Variants in AVEN observed in about 807,000 individuals in gnomAD.
AVEN encodes apoptosis and caspase activation inhibitor.
AVEN carries 41 observed loss-of-function variants against 38.1 expected under a neutral mutation model. The ratio of observed to expected loss-of-function variants is 1.08; its 90% CI spans 0.84 to 1.40. AVEN has a LOEUF of 1.40. AVEN is among the 40% of genes most tolerant of loss of function. The pLI is 0.00. For synonymous variants in AVEN, 206 were observed against 171.8 expected, an observed-to-expected ratio of 1.20 and a Z score of -1.56; for missense variants, 605 against 438.8, an observed-to-expected ratio of 1.38 and a Z score of -3.38.
chr15:33,969,024 C>T (rs562492932), intron 2 of AVEN: 1 of 152,106 alleles, frequency 6.6e-6, no homozygotes, highest in South Asian at 2.1e-4. Context: ...GATATAAAGA[C>T]ACTGCAAGAA....
At chr15:33,864,235 A>C (rs1434665839), downstream of AVEN, 1 of 1,463,762 alleles carries the variant, frequency 6.8e-7, no homozygotes, top group African/African-American at 1.5e-5. Context: ...TCCCTTTCCT[A>C]AATCTTGAGA....
chr15:34,034,213 C>T (rs1248175565), intron 1 of AVEN, among the ~76,000 whole-genome samples: 2 of 152,082 alleles, frequency 1.3e-5, no homozygotes, highest in Non-Finnish European at 2.9e-5. Context: ...GTGGCTGAGG[C>T]GGGAGGACTG....
At chr15:34,026,943 AAAGG>A (rs1898503545) in intron 1 of AVEN, among the ~76,000 whole-genome samples, 1 of 152,210 alleles carries the variant, frequency 6.6e-6, no homozygotes, top group Non-Finnish European at 1.5e-5. Flanking sequence ...GTTTTGTCCC[AAAGG>A]AAGAAGTTTC....
chr15:33,967,089 C>T (rs1895416213), intron 2 of AVEN, among the ~76,000 whole-genome samples: 3 of 152,070 alleles, frequency 2.0e-5, no homozygotes, highest in Admixed American at 2.0e-4. Flanking sequence ...CAATCCTTTT[C>T]AGTATCATGC....
At chr15:33,944,190 C>T (rs1251909907) in intron 2 of AVEN, among the ~76,000 whole-genome samples, 4 of 152,182 alleles carry the variant, frequency 2.6e-5, no homozygotes, top group African/African-American at 9.7e-5. Context: ...CTGAACAACG[C>T]CTTTACTTCT....
downstream of AVEN, chr15:33,854,460 C>T (rs962991010): frequency 6.4e-7 from 1 of 1,554,364 alleles, no homozygotes; most frequent in Admixed American, 2.1e-5. Flanking sequence ...GTAAGTACTG[C>T]ACCTGGAAAA....
intron 2 of AVEN, among the ~76,000 whole-genome samples, chr15:33,888,498 C>A (rs1891798103): frequency 6.6e-6 from 1 of 152,082 alleles, no homozygotes; most frequent in Non-Finnish European, 1.5e-5. Context: ...GTGGGATGTG[C>A]AAGCAATTTG....
At chr15:33,855,054 GGT>G, downstream of AVEN, 1 of 868,646 alleles carries the variant, frequency 1.2e-6, no homozygotes, top group Non-Finnish European at 1.6e-6. Context: ...TTCAACTAAT[GGT>G]GATTGTTTTT....
At chr15:33,878,584 T>C (rs963160463) in intron 2 of AVEN, among the ~76,000 whole-genome samples, 32 of 152,302 alleles carry the variant, frequency 2.1e-4, no homozygotes, top group Admixed American at 5.9e-4. Flanking sequence ...TTTTGGCTAC[T>C]GAAAAAATTT....
chr15:33,991,250 TA>T (rs1262073581), intron 2 of AVEN: 1 of 152,160 alleles, frequency 6.6e-6, no homozygotes, highest in Non-Finnish European at 1.5e-5. Context: ...AACCCTGGTA[TA>T]AAAATACAGA....
At chr15:33,927,607 C>A (rs960494225) in intron 2 of AVEN, among the ~76,000 whole-genome samples, 4 of 152,116 alleles carry the variant, frequency 2.6e-5, no homozygotes, top group Admixed American at 2.6e-4. Flanking sequence ...CTTGCACAGG[C>A]CCCTTCCAAG....
chr15:33,940,360 A>G (rs1894265762), intron 2 of AVEN, among the ~76,000 whole-genome samples: 1 of 152,158 alleles, frequency 6.6e-6, no homozygotes, highest in Non-Finnish European at 1.5e-5. Context: ...CCTCTTCTCA[A>G]CCTTTCAGCT....
chr15:33,853,914 C>A (rs1003666818), downstream of AVEN, among the ~76,000 whole-genome samples: 1 of 152,130 alleles, frequency 6.6e-6, no homozygotes, highest in African/African-American at 2.4e-5. Context: ...TCAGGTTGGG[C>A]TGGGCGCAGT....
chr15:33,990,611 A>C (rs954476817), intron 2 of AVEN: 1 of 152,256 alleles, frequency 6.6e-6, no homozygotes, highest in African/African-American at 2.4e-5. Context: ...CCTTCATGTG[A>C]ACTTGAAAGT....
chr15:33,958,374 G>A (rs1895035757), intron 2 of AVEN, among the ~76,000 whole-genome samples: 1 of 152,128 alleles, frequency 6.6e-6, no homozygotes, highest in Non-Finnish European at 1.5e-5. Context: ...AAGGCCAGGA[G>A]TTCAAGACTG....
At chr15:34,064,556 A>G (rs939577777) in intron 4 of AVEN, 3 of 558,056 alleles carry the variant, frequency 5.4e-6, no homozygotes, top group Non-Finnish European at 3.2e-6. Context: ...GAGTTTGCCA[A>G]TGAAGTAAAG....
chr15:33,910,155 C>T (rs937273372), intron 2 of AVEN, among the ~76,000 whole-genome samples: 17 of 149,640 alleles, frequency 1.1e-4, no homozygotes, highest in African/African-American at 3.9e-4. Context: ...AAAAAAATTG[C>T]TTAGTAAGCA....
chr15:34,028,153 T>A (rs187257120), intron 1 of AVEN, among the ~76,000 whole-genome samples: 87 of 152,294 alleles, frequency 5.7e-4, no homozygotes, highest in African/African-American at 1.8e-3. Context: ...ATTTAAAAAA[T>A]TTTTTAATGA....
chr15:33,865,111 C>T (rs916468787), downstream of AVEN: 26 of 1,581,288 alleles, frequency 1.6e-5, 1 homozygote, highest in Admixed American at 3.4e-5. Flanking sequence ...AATAAGCACC[C>T]GTTGTTCATA....
Sources: gnomAD v4.1 joint callset for allele counts (sites outside exome capture counted in the v4.1 genomes callset) on GRCh38, gnomAD v4.1.1 for gene constraint, MANE v1.5 for transcripts, NCBI Gene and HGNC (gene_info 2026-07-23, HGNC 2026-07-21) for gene names.